GOLGB1: variants seen among roughly 807,000 people sequenced by gnomAD.
The protein encoded by GOLGB1 is golgin B1, also known as golgin subfamily B member 1.
A neutral mutation model predicts 336.9 loss-of-function variants in GOLGB1; 174 were observed. That is an observed-to-expected ratio of 0.52 (90% CI 0.46 to 0.59). The LOEUF (loss-of-function observed/expected upper bound fraction) is 0.59, where lower values mean the gene tolerates loss of function less well. Among genes scored for constraint, GOLGB1 ranks in the 20% least tolerant of loss-of-function variants. GOLGB1 has a pLI of 0.00. For missense variants in GOLGB1, 3,331 were observed against 3,645.3 expected, an observed-to-expected ratio of 0.91 and a Z score of 2.22; for synonymous variants, 1,208 against 1,289.2, an observed-to-expected ratio of 0.94 and a Z score of 1.35.
chr3:121,693,713 G>C, intron 13 of GOLGB1, 28 bp downstream of exon 13: 1 of 1,520,144 alleles, frequency 6.6e-7, no homozygotes, highest in African/African-American at 1.4e-5. Context: ...GTTACCTCTG[G>C]AGGAGGAAAA....
intron 10 of GOLGB1, among the ~76,000 whole-genome samples, chr3:121,708,540 A>G (rs1038244705): frequency 1.3e-5 from 2 of 151,804 alleles, no homozygotes; most frequent in South Asian, 4.2e-4. Flanking sequence ...GGCTGAGGTG[A>G]GAGGATTGCT....
intron 10 of GOLGB1, among the ~76,000 whole-genome samples, chr3:121,705,905 G>T (rs1943776761): frequency 6.6e-6 from 1 of 152,134 alleles, no homozygotes; most frequent in Non-Finnish European, 1.5e-5. Flanking sequence ...CAGGAGTATC[G>T]AATGACTGAG....
chr3:121,677,522 C>T, intron 15 of GOLGB1, 72 bp from the exon 16 acceptor site: 1 of 976,174 alleles, frequency 1.0e-6, no homozygotes, highest in South Asian at 1.4e-5. Flanking sequence ...CACCTGTAAC[C>T]TCAGCACTTT....
At chr3:121,749,251 T>C (rs745989750) in intron 1 of GOLGB1, 2 of 152,392 alleles carry the variant, frequency 1.3e-5, no homozygotes, top group East Asian at 1.9e-4. Flanking sequence ...CTTTCCGACG[T>C]CAGCGGCTGC....
rs1233100576 is a variant in GOLGB1, at chr3:121,727,318, ATATTTTTT to A, written c.403-285_403-278del. The stretch of plus-strand genomic sequence containing the variant: ...CATATATATATATATATATATATAT[ATATTTTTT>A]TTTTTTTTTTTTTTTTTTTTTTCCC... On this transcript the variant is annotated intron_variant, in intron 4 of 21. Coordinates refer to ENST00000614479, the MANE Select transcript of GOLGB1 (RefSeq NM_001366282.2). 9.6e-4 allele frequency among the ~76,000 whole-genome samples: 32 copies of A among 33,432 alleles called. 1 individual carries two copies. Among genetic ancestry groups the A allele is most frequent in the South Asian group, 1.2e-3 (1 of 808 alleles). 21.9% of individuals were successfully genotyped at this position (33,432 alleles called of 152,430 possible). A position where few individuals can be genotyped will look rare whatever the true frequency, so the allele number is the denominator to read the frequency against.
In GOLGB1 at chr3:121,664,577, G is replaced by A. The variant is rs1020276540; in HGVS notation, c.9698C>T (p.Ser3233Leu). 6.2e-7 allele frequency: 1 copy of A among 1,613,664 alleles called. No individual in the cohort carries two copies. The highest frequency in any genetic ancestry group is 8.5e-7 in the Non-Finnish European group (1 of 1,179,528). Residue 3233 changes from serine (S) to leucine (L), a missense_variant, in exon 22 of 22, where the codon TCA becomes TTA. Ser to Leu is a moderately radical substitution (Grantham distance 145, BLOSUM62 -2). Transcript: ENST00000614479. ...CACTCGGGTCCGTGAATGACAGAGT[G>A]AACGCAGGACTCGCTTCCATCCAAC... is the stretch of plus-strand genomic sequence containing the variant. ...SGVGWKRVLR[S>L]LCHSRTRVPL... is the part of the protein sequence containing the mutation.
chr3:121,695,068 A>T lies in GOLGB1; in HGVS notation c.5455T>A (p.Ser1819Thr). The change falls in exon 13 of 22, where the codon TCG (serine) becomes ACG (threonine). Residue 1819 changes from serine (S) to threonine (T), a missense_variant. By Grantham distance (58) the Ser-to-Thr change is moderately conservative (BLOSUM62 1). Transcript: ENST00000614479. ...SMSTRPTCSE[S>T]VPSAKSANPA... Reference sequence around the variant, plus strand: ...TTGGCACTCTTCGCTGATGGAACCGATTCTGAACATGTAGGTCTTGTGCTC... The same window carrying T: ...TTGGCACTCTTCGCTGATGGAACCGTTTCTGAACATGTAGGTCTTGTGCTC... 1.9e-6 allele frequency: 3 copies of T among 1,613,862 alleles called. No individual in the cohort carries two copies. Among genetic ancestry groups the T allele is most frequent in the Non-Finnish European group, 2.5e-6 (3 of 1,180,010 alleles).
rs147922360 is a variant in GOLGB1, at chr3:121,716,870, A to G, written c.1155T>C (p.His385=). 3.0e-5 allele frequency: 49 copies of G among 1,613,964 alleles called. No individual in the cohort carries two copies. Among genetic ancestry groups the G allele is most frequent in the Non-Finnish European group, 3.9e-5 (46 of 1,179,956 alleles). The part of the protein sequence containing the change: ...HKAEMEEKTS[H]ILSLQKTGQE... Reference sequence around the variant, plus strand: ...GTCCAGTCTTTTGAAGACTCAAAATATGAGAGGTCTTCTCTTCCATTTCTG... The same window carrying G: ...GTCCAGTCTTTTGAAGACTCAAAATGTGAGAGGTCTTCTCTTCCATTTCTG... The change falls in exon 9 of 22, where the codon CAT becomes CAC. Residue 385 remains histidine, a synonymous_variant. Transcript: ENST00000614479.
chr3:121,749,309 G>A (rs979455315), intron 1 of GOLGB1: 4 of 152,434 alleles, frequency 2.6e-5, no homozygotes, highest in Non-Finnish European at 2.9e-5. Context: ...AGGCCGTGCG[G>A]ACAGGACTGA....
chr3:121,697,539 T>C lies in GOLGB1; in HGVS notation c.2984A>G (p.Gln995Arg). 1 of 1,613,808 alleles carries C rather than the reference T, an allele frequency of 6.2e-7. No individual in the cohort carries two copies. The highest frequency in any genetic ancestry group is 8.5e-7 in the Non-Finnish European group (1 of 1,179,934). ...AGCTGCCTGGAGCTTTCTCTTTCTC[T>C]GCTCATTTTCTTTCTTCAGAAGGTC... is the stretch of plus-strand genomic sequence containing the variant. ...EFDLLKKENE[Q>R]RKRKLQAALI... Residue 995 changes from glutamine (Q) to arginine (R), a missense_variant, in exon 13 of 22, where the codon CAG (glutamine) becomes CGG (arginine). Coordinates refer to ENST00000614479, the MANE Select transcript of GOLGB1 (RefSeq NM_001366282.2).
rs1439852126 is a variant in GOLGB1, at chr3:121,693,467, G to C, written c.6782+274C>G. ...CGTGCCATTGCATTCCAGCCTGGGT[G>C]ACAAGAGCAAGACTCCATCTTAAAC... On this transcript the variant is annotated intron_variant, in intron 13 of 21. Transcript: ENST00000614479. Among the ~76,000 whole-genome samples the C allele has an allele frequency of 3.3e-5, 5 of 152,160 alleles. No homozygotes were observed. In the East Asian group the frequency reaches 9.6e-4, roughly 29 times the overall value.
At chr3:121,674,825 C>CTTTTTTTTTTTTTT (rs891603400) in intron 17 of GOLGB1, among the ~76,000 whole-genome samples, 1 of 121,040 alleles carries the variant, frequency 8.3e-6, no homozygotes, top group Non-Finnish European at 1.7e-5. Flanking sequence ...AGGTGCCTTT[C>CTTTTTTTTTTTTTT]TTTTTTTTTT....
In GOLGB1 at chr3:121,698,651, C is replaced by T; in HGVS notation, c.1872G>A (p.Gly624=). ...IKMKVFLEDT[G]QDFPLMPNEE... ...CATTTGGCATTAAGGGAAAATCTTG[C>T]CCTGTATCTTCAAGAAATACTTTCA... Residue 624 remains glycine, a synonymous_variant, in exon 13 of 22, where the codon GGG becomes GGA. Transcript: ENST00000614479. 1 of 1,613,820 alleles carries T rather than the reference C, an allele frequency of 6.2e-7. No homozygotes were observed. Among genetic ancestry groups the T allele is most frequent in the Non-Finnish European group, 8.5e-7 (1 of 1,179,838 alleles).
At chr3:121,711,440 T>A (rs188857187) in intron 10 of GOLGB1, among the ~76,000 whole-genome samples, 2 of 152,284 alleles carry the variant, frequency 1.3e-5, no homozygotes, top group Admixed American at 6.5e-5. Flanking sequence ...TGGTAAATTA[T>A]GGAACACTTT....
intron 10 of GOLGB1, among the ~76,000 whole-genome samples, chr3:121,703,210 A>G (rs556237180): frequency 6.6e-6 from 1 of 152,296 alleles, no homozygotes; most frequent in South Asian, 2.1e-4. Flanking sequence ...TATTCTATAA[A>G]ATTTTCATAC....
At chr3:121,682,802 A>G (rs1222085105) in intron 14 of GOLGB1, among the ~76,000 whole-genome samples, 1 of 152,202 alleles carries the variant, frequency 6.6e-6, no homozygotes, top group Non-Finnish European at 1.5e-5. Context: ...CAGCAGCAAT[A>G]AAATTAATTT....
intron 10 of GOLGB1, among the ~76,000 whole-genome samples, chr3:121,710,089 A>C (rs1322972685): frequency 4.7e-5 from 7 of 150,084 alleles, no homozygotes; most frequent in African/African-American, 1.7e-4. Flanking sequence ...ACAAACCAAA[A>C]CTGGCACCGG....
At position 121,664,357 on chromosome 3, in the gene GOLGB1, C is replaced by T. The variant is rs557945317; in HGVS notation, c.*123G>A. ...CACCTCTGTTTTTGCAGGCACTTTC[C>T]GTGAAGAGTTGGAGAGAAGACCTGT... On this transcript the variant is annotated 3_prime_UTR_variant, in exon 22 of 22. Coordinates refer to ENST00000614479, the MANE Select transcript of GOLGB1 (RefSeq NM_001366282.2). 7.0e-5 allele frequency: 62 copies of T among 888,146 alleles called. 2 individuals carry two copies. The South Asian group carries it at 8.2e-4, about 12-fold the overall frequency. The allele number at this position is 888,146 out of a possible 1,614,324, so 55.0% of individuals were successfully genotyped here.
chr3:121,706,154 T>G (rs567857594), intron 10 of GOLGB1, among the ~76,000 whole-genome samples: 39 of 150,848 alleles, frequency 2.6e-4, no homozygotes, highest in African/African-American at 9.0e-4. Flanking sequence ...AAAAAAAAAT[T>G]AAAAGCCCAT....
Sources: gnomAD v4.1 joint callset for allele counts (sites outside exome capture counted in the v4.1 genomes callset) on GRCh38, gnomAD v4.1.1 for gene constraint, MANE v1.5 for transcripts, NCBI Gene and HGNC (gene_info 2026-07-23, HGNC 2026-07-21) for gene names.